The following PAM variants were observed in gnomAD, a reference collection of about 807,000 sequenced individuals.
PAM encodes the protein peptidylglycine alpha-amidating monooxygenase, also known as peptidyl-glycine alpha-amidating monooxygenase.
PAM carries 72 observed loss-of-function variants against 122.1 expected under a neutral mutation model. That is an observed-to-expected ratio of 0.59 (90% CI 0.49 to 0.72). PAM has a LOEUF of 0.72. PAM is among the 30% of genes least tolerant of loss of function. The pLI is 0.00. For missense variants in PAM, 1,106 were observed against 1,183.7 expected (o/e 0.93, Z 0.96); for synonymous variants, 389 against 404.4 (o/e 0.96, Z 0.46).
intron 7 of PAM, among the ~76,000 whole-genome samples, chr5:102,927,723 A>G (rs1750080046): frequency 6.6e-6 from 1 of 150,640 alleles, no homozygotes; most frequent in Non-Finnish European, 1.5e-5. Flanking sequence ...AATGTACTAT[A>G]ATCAAATATA....
chr5:102,757,591 G>A (rs551650661), intron 1 of PAM, among the ~76,000 whole-genome samples: 1 of 152,250 alleles, frequency 6.6e-6, no homozygotes, highest in Non-Finnish European at 1.5e-5. Flanking sequence ...TGTATGTTGT[G>A]GTTCCCACAT....
chr5:102,942,251 TC>T (rs2151909977), intron 7 of PAM, among the ~76,000 whole-genome samples: 1 of 152,014 alleles, frequency 6.6e-6, no homozygotes, highest in South Asian at 2.1e-4. Flanking sequence ...CCAAATAATC[TC>T]CTACTCCTGC....
chr5:102,875,808 G>A (rs1235066337), intron 3 of PAM, among the ~76,000 whole-genome samples: 1 of 152,200 alleles, frequency 6.6e-6, no homozygotes, highest in African/African-American at 2.4e-5. Flanking sequence ...ATGGAAAACT[G>A]TGTTTACTAG....
At chr5:102,980,019 A>G (rs1008073621) in intron 15 of PAM, among the ~76,000 whole-genome samples, 3 of 152,116 alleles carry the variant, frequency 2.0e-5, no homozygotes, top group Non-Finnish European at 4.4e-5. Context: ...ACAAATTTGT[A>G]TCAAAGCTAC....
intron 3 of PAM, among the ~76,000 whole-genome samples, chr5:102,868,451 C>T (rs76202057): frequency 0.022 from 3,369 of 152,250 alleles, 108 homozygotes; most frequent in African/African-American, 0.075. Context: ...GTAAAAATGA[C>T]TTTCACTTCC....
intron 3 of PAM, among the ~76,000 whole-genome samples, chr5:102,882,754 T>C (rs1164558493): frequency 6.6e-6 from 1 of 152,128 alleles, no homozygotes; most frequent in Admixed American, 6.6e-5. Context: ...TTTGTTTTTG[T>C]TGCAGTTGCT....
intron 7 of PAM, among the ~76,000 whole-genome samples, chr5:102,937,580 G>T (rs917904580): frequency 1.3e-5 from 2 of 152,034 alleles, no homozygotes; most frequent in Non-Finnish European, 2.9e-5. Context: ...TGTTTATAAA[G>T]CACTCGTTTT....
At position 102,974,400 on chromosome 5, in the gene PAM, C is replaced by T. The variant is rs376950366; in HGVS notation, c.1447C>T (p.Pro483Ser). Residue 483 changes from proline (P) to serine (S), a missense_variant, in exon 15 of 26, where the codon CCT becomes TCT. Physicochemically the swap from Pro to Ser is moderately conservative, Grantham distance 74 (BLOSUM62 -1). This residue lies in a region of PAM where 670 missense variants were observed against 690.3 expected (regional missense o/e 0.97). Transcript: ENST00000438793. ...SRVFSLQQPP[P>S]GEGTWEPEHT... ...AGTTTTCTCATTACAGCAGCCCCCA[C>T]CTGGTGAAGGCACCTGGGAACCAGA... is the stretch of plus-strand genomic sequence containing the variant. 3 of 1,613,530 alleles carry T rather than the reference C, an allele frequency of 1.9e-6. No individual in the cohort carries two copies. Among genetic ancestry groups the T allele is most frequent in the Middle Eastern group, 1.6e-4 (1 of 6,080 alleles).
chr5:102,755,565 A>C (rs1225944887), intron 1 of PAM: 2 of 152,170 alleles, frequency 1.3e-5, no homozygotes, highest in Non-Finnish European at 2.9e-5. Context: ...GGACTGAGCT[A>C]TTCTCGCATT....
intron 1 of PAM, among the ~76,000 whole-genome samples, chr5:102,849,885 T>G (rs1314187633): frequency 6.6e-6 from 1 of 152,152 alleles, no homozygotes; most frequent in Admixed American, 6.5e-5. Context: ...GGAGCAGGAT[T>G]TGGAGTAGCT....
At position 103,006,908 on chromosome 5, in the gene PAM, TGTGGATCCAGGCA is replaced by T; in HGVS notation, c.1912_1924del (p.Val638LeufsTer78). On this transcript the variant is annotated frameshift_variant, in exon 19 of 26. Coordinates refer to ENST00000438793, the MANE Select transcript of PAM (RefSeq NM_001177306.2). LOFTEE classifies it high-confidence loss of function. ...ACTTCTGTCAACCCACTGATGTGGC[TGTGGATCCAGGCA>T]CTGGAGCCATTTATGTATCAGATGG... 6.2e-7 allele frequency: 1 copy of T among 1,613,706 alleles called. No individual in the cohort carries two copies. The highest frequency in any genetic ancestry group is 8.5e-7 in the Non-Finnish European group (1 of 1,179,604).
rs1000380962 is a variant in PAM, at chr5:102,940,151, T to TACACAC, written c.527-6678_527-6673dup. 8.2e-4 allele frequency among the ~76,000 whole-genome samples: 111 copies of TACACAC among 134,808 alleles called. 4 individuals carry two copies. The East Asian group carries it at 0.02, about 25-fold the overall frequency. 88.4% of individuals were successfully genotyped at this position (134,808 alleles called of 152,430 possible). Reference sequence around the variant, plus strand: ...ACACACACACACACACACACACACATACACACACACACATATATATGAAAA... The same window carrying TACACAC: ...ACACACACACACACACACACACACATACACACACACACACACACATATATATGAAAA... On this transcript the variant is annotated intron_variant, in intron 7 of 25. Transcript: ENST00000438793.
At chr5:102,934,375 A>G (rs1752576814) in intron 7 of PAM, among the ~76,000 whole-genome samples, 1 of 152,222 alleles carries the variant, frequency 6.6e-6, no homozygotes, top group Non-Finnish European at 1.5e-5. Context: ...ATTCCAGAGC[A>G]CATATTGCGT....
At chr5:102,763,514 C>A (rs1266534499) in intron 1 of PAM, among the ~76,000 whole-genome samples, 2 of 152,072 alleles carry the variant, frequency 1.3e-5, no homozygotes, top group African/African-American at 4.8e-5. Context: ...ACAACAACAA[C>A]AAATAATTAT....
intron 1 of PAM, among the ~76,000 whole-genome samples, chr5:102,823,899 GA>G (rs1279434135): frequency 6.6e-6 from 1 of 152,140 alleles, no homozygotes; most frequent in Non-Finnish European, 1.5e-5. Flanking sequence ...CCCTGACCAT[GA>G]AAAAGATACT....
chr5:102,949,836 T>C, intron 10 of PAM, 66 bp from the exon 11 acceptor site: 1 of 874,178 alleles, frequency 1.1e-6, no homozygotes, highest in Non-Finnish European at 1.9e-6. Context: ...AGTAGGAAAG[T>C]AAATATGCCT....
At chr5:103,001,754 C>G (rs1019974356) in intron 16 of PAM, among the ~76,000 whole-genome samples, 1 of 151,742 alleles carries the variant, frequency 6.6e-6, no homozygotes, top group East Asian at 1.9e-4. Context: ...TACTGAGACT[C>G]TACATAAGTT....
chr5:102,923,506 T>C (rs1748195472), intron 5 of PAM, among the ~76,000 whole-genome samples: 1 of 152,208 alleles, frequency 6.6e-6, no homozygotes, highest in African/African-American at 2.4e-5. Context: ...TCACCTTTTT[T>C]GGTCCCAGTT....
Position 102,824,775 on chromosome 5 carries a change from C to T in PAM, c.-373-41048C>T, listed in dbSNP as rs374476126. ...CTAATTAGTTTTATGGACGTAGAAACAAATCACTTAAAAAATTCACAAGCT... is the reference window on the plus strand; with the variant it reads ...CTAATTAGTTTTATGGACGTAGAAATAAATCACTTAAAAAATTCACAAGCT... On this transcript the variant is annotated intron_variant, in intron 1 of 25. Coordinates refer to ENST00000438793, the MANE Select transcript of PAM (RefSeq NM_001177306.2). Among the ~76,000 whole-genome samples, 338 of 87,926 alleles carry T rather than the reference C, an allele frequency of 3.8e-3. 1 individual carries two copies. Among genetic ancestry groups the T allele is most frequent in the African/African-American group, 0.013 (318 of 24,152 alleles). 57.7% of individuals were successfully genotyped at this position (87,926 alleles called of 152,430 possible).
Sources: allele counts gnomAD v4.1 joint callset (sites outside exome capture counted in the v4.1 genomes callset), GRCh38; gene constraint gnomAD v4.1.1; regional missense constraint gnomAD v4.1.1; transcripts MANE v1.5; gene names NCBI Gene and HGNC (gene_info 2026-07-23, HGNC 2026-07-21).